The following TSHZ3 variants were observed in gnomAD, a reference collection of about 807,000 sequenced individuals.
TSHZ3 encodes the protein teashirt homolog 3.
In TSHZ3, 10 loss-of-function variants were observed where a neutral mutation model predicts 64.5. That is an observed-to-expected ratio of 0.16 (90% CI 0.10 to 0.26). The LOEUF (loss-of-function observed/expected upper bound fraction) is 0.26, where lower values mean the gene tolerates loss of function less well. TSHZ3 is among the 10% of genes least tolerant of loss of function. TSHZ3 has a pLI of 1.00. For synonymous variants in TSHZ3, 608 were observed against 593.1 expected, an observed-to-expected ratio of 1.03 and a Z score of -0.36; for missense variants, 1,242 against 1,421.7, an observed-to-expected ratio of 0.87 and a Z score of 2.03.
At chr19:31,320,500 T>G (rs1197894213) in intron 1 of TSHZ3, among the ~76,000 whole-genome samples, 2 of 152,198 alleles carry the variant, frequency 1.3e-5, no homozygotes, top group African/African-American at 2.4e-5. Context: ...AGGTGTGTTC[T>G]GTGCTCTGGG....
At chr19:31,323,589 T>C (rs565906923) in intron 1 of TSHZ3, among the ~76,000 whole-genome samples, 1 of 152,306 alleles carries the variant, frequency 6.6e-6, no homozygotes, top group East Asian at 1.9e-4. Context: ...GTGGGAGCAC[T>C]GGATTTACCT....
At chr19:31,176,735 A>G (rs1974612877) in intron 5 of TSHZ3, among the ~76,000 whole-genome samples, 1 of 152,168 alleles carries the variant, frequency 6.6e-6, no homozygotes, top group Non-Finnish European at 1.5e-5. Context: ...GCCTGCCATG[A>G]GCTGTGATTG....
chr19:31,217,306 A>C (rs1975347100), intron 4 of TSHZ3, among the ~76,000 whole-genome samples: 1 of 152,150 alleles, frequency 6.6e-6, no homozygotes, highest in African/African-American at 2.4e-5. Flanking sequence ...GGAACAGGGC[A>C]ACGGGGTGAA....
intron 1 of TSHZ3, among the ~76,000 whole-genome samples, chr19:31,257,717 A>T (rs1975930713): frequency 6.6e-6 from 1 of 152,186 alleles, no homozygotes; most frequent in Admixed American, 6.5e-5. Flanking sequence ...GGAAGACGCG[A>T]GGGGCTTGTC....
At chr19:31,347,809 A>G (rs2021560956) in intron 1 of TSHZ3, among the ~76,000 whole-genome samples, 1 of 152,182 alleles carries the variant, frequency 6.6e-6, no homozygotes, top group East Asian at 1.9e-4. Context: ...GAGAATTATC[A>G]TTCCTTCTCT....
Position 31,277,202 on chromosome 19 carries a change from G to C in TSHZ3, c.2591C>G (p.Thr864Ser). 1 of 1,614,228 alleles carries C rather than the reference G, an allele frequency of 6.2e-7. No individual in the cohort carries two copies. Among genetic ancestry groups the C allele is most frequent in the Non-Finnish European group, 8.5e-7 (1 of 1,180,040 alleles). The change falls in exon 2 of 2, where the codon ACT becomes AGT. Residue 864 changes from threonine (T) to serine (S), a missense_variant. Around this residue, in one of 4 missense-constraint regions of TSHZ3, gnomAD observed 550 missense variants for 545.1 expected, o/e 1.01. Coordinates refer to ENST00000240587, the MANE Select transcript of TSHZ3 (RefSeq NM_020856.4). This position sits in a 1 kb window ranked among gnomAD's most constrained non-coding sequence, Gnocchi z 4.5. The stretch of plus-strand genomic sequence containing the variant: ...AGACTTCTCGGAGATGCTGGAAGGA[G>C]TGGAGGATTTTGACGTGTGGCTCTC... ...LTESHTSKSSTPSSISEKSDI... is the reference protein window; with the variant it reads ...LTESHTSKSSSPSSISEKSDI...
At chr19:31,348,390 A>G in intron 1 of TSHZ3, among the ~76,000 whole-genome samples, 1 of 151,560 alleles carries the variant, frequency 6.6e-6, no homozygotes, top group Non-Finnish European at 1.5e-5. Context: ...TTTGTTTTCA[A>G]TGATGCGTTT....
At chr19:31,337,754 A>C (rs961672417) in intron 1 of TSHZ3, among the ~76,000 whole-genome samples, 2 of 112,176 alleles carry the variant, frequency 1.8e-5, no homozygotes, top group Non-Finnish European at 3.4e-5. Context: ...CACACACACA[A>C]AGTTGCCTGG....
chr19:31,273,165 G>T (rs990669778), downstream of TSHZ3, among the ~76,000 whole-genome samples: 1 of 152,138 alleles, frequency 6.6e-6, no homozygotes, highest in Non-Finnish European at 1.5e-5. Flanking sequence ...GGGGGAGACC[G>T]TAACAAACCA....
chr19:31,314,721 C>T (rs1284423176), intron 1 of TSHZ3, among the ~76,000 whole-genome samples: 3 of 152,156 alleles, frequency 2.0e-5, no homozygotes, highest in Non-Finnish European at 2.9e-5. Flanking sequence ...AGAAATTAAC[C>T]GTTTGGATGA....
chr19:31,207,733 G>A (rs972175916), intron 4 of TSHZ3: 2 of 152,170 alleles, frequency 1.3e-5, no homozygotes, highest in African/African-American at 4.8e-5. Context: ...GAATGGATTG[G>A]CCAGATCGAT....
exon 7 of TSHZ3, among the ~76,000 whole-genome samples, chr19:31,150,053 T>C (rs964220036): frequency 1.3e-5 from 2 of 152,204 alleles, no homozygotes; most frequent in Non-Finnish European, 2.9e-5. Context: ...TGTGGAGGCT[T>C]TGAATCATTC....
intron 1 of TSHZ3, among the ~76,000 whole-genome samples, chr19:31,296,622 C>T (rs541397499): frequency 1.3e-5 from 2 of 152,268 alleles, no homozygotes; most frequent in African/African-American, 4.8e-5. Flanking sequence ...AGGCGTGGGC[C>T]ACCTTGCCCA....
chr19:31,339,488 A>C (rs1027634182), intron 1 of TSHZ3, among the ~76,000 whole-genome samples: 1 of 152,128 alleles, frequency 6.6e-6, no homozygotes, highest in South Asian at 2.1e-4. Flanking sequence ...CACAGGGTAC[A>C]GTACCAAGAG....
intron 1 of TSHZ3, among the ~76,000 whole-genome samples, chr19:31,303,741 T>G (rs970619509): frequency 6.6e-6 from 1 of 152,122 alleles, no homozygotes; most frequent in Non-Finnish European, 1.5e-5. Flanking sequence ...GGCAAAAAGA[T>G]GGCACCCGCT....
chr19:31,237,530 T>C (rs750945119), intron 3 of TSHZ3, among the ~76,000 whole-genome samples: 7 of 152,178 alleles, frequency 4.6e-5, no homozygotes, highest in Non-Finnish European at 1.0e-4. Flanking sequence ...ATTTACTAAT[T>C]TTATTAAGTT....
chr19:31,330,706 G>GA (rs771070299), intron 1 of TSHZ3, among the ~76,000 whole-genome samples: 2 of 68,032 alleles, frequency 2.9e-5, no homozygotes, highest in African/African-American at 1.5e-4. Context: ...TTTAATCCTT[G>GA]GGCGGGGGGA....
chr19:31,291,218 G>A (rs1044695926), intron 1 of TSHZ3, among the ~76,000 whole-genome samples: 2 of 152,244 alleles, frequency 1.3e-5, no homozygotes, highest in Non-Finnish European at 2.9e-5. Flanking sequence ...AGCCCAGGAT[G>A]AGTCCTGTTC....
At chr19:31,301,556 T>C (rs1208546732) in intron 1 of TSHZ3, among the ~76,000 whole-genome samples, 1 of 152,084 alleles carries the variant, frequency 6.6e-6, no homozygotes, top group Non-Finnish European at 1.5e-5. Context: ...GCCTGAGACA[T>C]GCCTGCGGGA....
Sources: allele counts gnomAD v4.1 joint callset (sites outside exome capture counted in the v4.1 genomes callset), GRCh38; gene constraint gnomAD v4.1.1; regional missense constraint gnomAD v4.1.1; non-coding constraint Gnocchi (gnomAD v3.1); transcripts MANE v1.5; gene names NCBI Gene and HGNC (gene_info 2026-07-23, HGNC 2026-07-21).